Variants in URB2 observed in about 807,000 individuals in gnomAD.
URB2 encodes the protein URB2 ribosome biogenesis homolog.
URB2 carries 86 observed loss-of-function variants against 120.9 expected under a neutral mutation model. The observed-to-expected ratio is 0.71, with a 90% CI of 0.60 to 0.85. URB2 has a LOEUF of 0.85. Ranked by LOEUF, URB2 falls within the 40% of genes least tolerant of loss-of-function variation. The pLI is 0.00. For synonymous variants in URB2, 755 were observed against 758.4 expected (o/e 1.00, Z 0.07); for missense variants, 1,765 against 1,836.5 (o/e 0.96, Z 0.71).
chr1:229,651,387 CAT>C (rs1666270524), intron 8 of URB2, 65 bp downstream of exon 8: 13 of 1,385,108 alleles, frequency 9.4e-6, no homozygotes, highest in Non-Finnish European at 1.3e-5. Context: ...CTGCTGGCCA[CAT>C]ATGTTACTGA....
At chr1:229,650,174 G>C (rs1429612268) in intron 7 of URB2, among the ~76,000 whole-genome samples, 7 of 152,216 alleles carry the variant, frequency 4.6e-5, no homozygotes, top group Admixed American at 6.5e-5. Context: ...ATGCAGCACT[G>C]TCCAGCAGTG....
Position 229,643,935 on chromosome 1 carries a change from C to T in URB2, c.3795+242C>T, listed in dbSNP as rs562159084. ...AAATAACAAATGTGTTGTCTTATTA[C>T]GTTAAATACTAAGTGTTACACATTC... On this transcript the variant is annotated intron_variant, in intron 5 of 9. Coordinates refer to ENST00000258243, the MANE Select transcript of URB2 (RefSeq NM_014777.4). Among the ~76,000 whole-genome samples the T allele has an allele frequency of 3.9e-5, 6 of 152,350 alleles. No homozygotes were observed. The South Asian group carries it at 1.2e-3, about 32-fold the overall frequency.
At chr1:229,651,388 A>G (rs1666270443) in intron 8 of URB2, 66 bp downstream of exon 8, 1 of 1,385,986 alleles carries the variant, frequency 7.2e-7, no homozygotes, top group Admixed American at 2.4e-5. Context: ...TGCTGGCCAC[A>G]TATGTTACTG....
At chr1:229,640,051 G>A (rs923109118) in intron 4 of URB2, among the ~76,000 whole-genome samples, 2 of 152,108 alleles carry the variant, frequency 1.3e-5, no homozygotes, top group South Asian at 2.1e-4. Context: ...ATATACATGC[G>A]TGCAGACAAA....
chr1:229,659,191 G>T lies in URB2; in HGVS notation c.4469G>T (p.Arg1490Leu). ...LCIEPDVQFL[R>L]ASLQPGMRDI... ...ATCGAGCCTGACGTCCAGTTCCTGCGGGCCTCGCTGCAGCCGGGAATGAGA... is the reference window on the plus strand; with the variant it reads ...ATCGAGCCTGACGTCCAGTTCCTGCTGGCCTCGCTGCAGCCGGGAATGAGA... The change falls in exon 10 of 10, where the codon CGG (arginine) becomes CTG (leucine). Residue 1490 changes from arginine to leucine, a missense_variant. Physicochemically the swap from Arg to Leu is moderately radical, Grantham distance 102. Transcript: ENST00000258243. The T allele has an allele frequency of 1.2e-6, 2 of 1,613,762 alleles. No homozygotes were observed. Among genetic ancestry groups the T allele is most frequent in the East Asian group, 2.2e-5 (1 of 44,876 alleles).
At chr1:229,638,268 C>T (rs778587541) in intron 4 of URB2, 21 bp downstream of exon 4, 170 of 1,565,974 alleles carry the variant, frequency 1.1e-4, no homozygotes, top group Middle Eastern at 1.7e-4. Flanking sequence ...TTCTCTTGAG[C>T]TAATTCTGTG....
At chr1:229,631,037 G>C (rs2102779603) in intron 2 of URB2, among the ~76,000 whole-genome samples, 1 of 151,106 alleles carries the variant, frequency 6.6e-6, no homozygotes, top group East Asian at 1.9e-4. Flanking sequence ...CCAATAGAAG[G>C]CTGTTTCTTC....
chr1:229,628,107 ATG>A (rs1384352834), intron 2 of URB2, among the ~76,000 whole-genome samples: 16 of 140,666 alleles, frequency 1.1e-4, no homozygotes, highest in African/African-American at 4.0e-4. Context: ...TATATTATAT[ATG>A]TATATATATG....
intron 8 of URB2, among the ~76,000 whole-genome samples, chr1:229,651,629 A>G (rs978682261): frequency 6.6e-6 from 1 of 152,132 alleles, no homozygotes; most frequent in Non-Finnish European, 1.5e-5. Context: ...ATGACTTACA[A>G]CCCCATTCCT....
intron 8 of URB2, among the ~76,000 whole-genome samples, chr1:229,651,683 A>C (rs887126247): frequency 3.3e-5 from 5 of 152,182 alleles, no homozygotes; most frequent in African/African-American, 4.8e-5. Context: ...GAAAAGGAAC[A>C]GGCAGGTATA....
Position 229,635,852 on chromosome 1 carries a change from G to A in URB2, c.1239G>A (p.Lys413=), listed in dbSNP as rs1226742897. The change falls in exon 4 of 10, where the codon AAG becomes AAA. Residue 413 remains lysine, a synonymous_variant. Transcript: ENST00000258243. ...TACCGGCCTGGTTCCGCTGTCTGAA[G>A]ACTTTGATATCTCTGAATCATTTGA... ...APIPAWFRCL[K]TLISLNHLIL... The A allele has an allele frequency of 1.2e-6, 2 of 1,614,042 alleles. No individual in the cohort carries two copies. The highest frequency in any genetic ancestry group is 2.7e-5 in the African/African-American group (2 of 74,950).
Position 229,636,046 on chromosome 1 carries a change from G to T in URB2, c.1433G>T (p.Cys478Phe), listed in dbSNP as rs1355193670. 6.2e-7 allele frequency: 1 copy of T among 1,614,160 alleles called. No homozygotes were observed. Among genetic ancestry groups the T allele is most frequent in the South Asian group, 1.1e-5 (1 of 91,080 alleles). ...RLFEEVLGVI[C>F]RPAAEALRQP... ...TTTGAAGAGGTTTTGGGGGTGATCT[G>T]TCGTCCAGCTGCTGAGGCACTGAGG... Residue 478 changes from cysteine to phenylalanine, a missense_variant, in exon 4 of 10, where the codon TGT becomes TTT. Transcript: ENST00000258243.
In URB2 at chr1:229,637,007, C is replaced by T; in HGVS notation, c.2394C>T (p.Ser798=). Residue 798 remains serine, a synonymous_variant, in exon 4 of 10, where the codon AGC becomes AGT. Coordinates refer to ENST00000258243, the MANE Select transcript of URB2 (RefSeq NM_014777.4). The part of the protein sequence containing the change: ...LEKISKAFLH[S]PLFPEMQSLH... ...AAATATCCAAAGCCTTCCTTCATAGCCCTCTCTTTCCAGAGATGCAGTCCC... is the reference window on the plus strand; with the variant it reads ...AAATATCCAAAGCCTTCCTTCATAGTCCTCTCTTTCCAGAGATGCAGTCCC... 1 of 1,614,062 alleles carries T rather than the reference C, an allele frequency of 6.2e-7. No homozygotes were observed. The highest frequency in any genetic ancestry group is 8.5e-7 in the Non-Finnish European group (1 of 1,180,040).
chr1:229,646,707 T>C (rs1666152647), intron 6 of URB2, among the ~76,000 whole-genome samples: 2 of 152,232 alleles, frequency 1.3e-5, no homozygotes, highest in African/African-American at 4.8e-5. Flanking sequence ...CAGTTGTTGC[T>C]AGGCTGTTTG....
intron 4 of URB2, among the ~76,000 whole-genome samples, chr1:229,640,413 T>C (rs1176941420): frequency 6.6e-6 from 1 of 152,236 alleles, no homozygotes; most frequent in Admixed American, 6.5e-5. Flanking sequence ...TGTTTCAAGA[T>C]GGCACACATC....
intron 6 of URB2, among the ~76,000 whole-genome samples, chr1:229,646,855 A>G (rs1200953524): frequency 1.3e-5 from 2 of 152,188 alleles, no homozygotes; most frequent in African/African-American, 4.8e-5. Context: ...AGCTGTTGCT[A>G]CCTGAGACAA....
Position 229,635,821 on chromosome 1 carries a change from C to T in URB2, c.1208C>T (p.Ala403Val). The change falls in exon 4 of 10, where the codon GCA becomes GTA. Residue 403 changes from alanine (A) to valine (V), a missense_variant. Ala to Val is a moderately conservative substitution (Grantham distance 64, BLOSUM62 0). Coordinates refer to ENST00000258243, the MANE Select transcript of URB2 (RefSeq NM_014777.4). The part of the protein sequence containing the change: ...VAELLINHAQ[A>V]PIPAWFRCLK... ...GAGCTGCTGATAAACCATGCACAAG[C>T]ACCCATACCGGCCTGGTTCCGCTGT... The T allele has an allele frequency of 6.2e-7, 1 of 1,614,134 alleles. No individual in the cohort carries two copies. The highest frequency in any genetic ancestry group is 8.5e-7 in the Non-Finnish European group (1 of 1,179,980).
rs1666347078 is a variant in URB2, at chr1:229,654,118, A to C, written c.4238-131A>C. ...TCTCCCTTATTCTGTCTGCAAAATA[A>C]GCCAATTAAAGAGTCTGGGAAAACA... On this transcript the variant is annotated intron_variant, in intron 8 of 9. Transcript: ENST00000258243. 2.0e-5 allele frequency: 26 copies of C among 1,301,222 alleles called. No homozygotes were observed. In the South Asian group the frequency reaches 3.6e-4, roughly 18 times the overall value. The allele number at this position is 1,301,222 out of a possible 1,614,324, so 80.6% of individuals were successfully genotyped here.
Position 229,627,896 on chromosome 1 carries a change from A to C in URB2, c.126+137A>C, listed in dbSNP as rs1319908608. On this transcript the variant is annotated intron_variant, in intron 2 of 9. Transcript: ENST00000258243. ...GGGAACTTTGTTGGAAGTTAAATGT[A>C]ATGTCAATGAAAAAAGTAATGAGTC... 1.1e-5 allele frequency: 12 copies of C among 1,114,498 alleles called. No individual in the cohort carries two copies. In the South Asian group the frequency reaches 1.9e-4, roughly 18 times the overall value. The allele number at this position is 1,114,498 out of a possible 1,614,324, so 69.0% of individuals were successfully genotyped here.
Sources: allele counts gnomAD v4.1 joint callset (sites outside exome capture counted in the v4.1 genomes callset), GRCh38; gene constraint gnomAD v4.1.1; transcripts MANE v1.5; gene names NCBI Gene and HGNC (gene_info 2026-07-23, HGNC 2026-07-21).